DSTN: variants seen among roughly 807,000 people sequenced by gnomAD.
DSTN encodes destrin.
Under a neutral mutation model 16.8 loss-of-function variants are expected in DSTN, and 10 were observed. The ratio of observed to expected loss-of-function variants is 0.60; its 90% confidence interval spans 0.37 to 1.01. The LOEUF (loss-of-function observed/expected upper bound fraction) is 1.01. Ranked by LOEUF, DSTN falls within the 50% of genes least tolerant of loss-of-function variation. DSTN has a pLI of 0.01. For synonymous variants in DSTN, 57 were observed against 58.9 expected, an observed-to-expected ratio of 0.97 and a Z score of 0.14; for missense variants, 141 against 196.7, an observed-to-expected ratio of 0.72 and a Z score of 1.69.
chr20:17,570,348 C>T, intron 1 of DSTN, 137 bp downstream of exon 1: 1 of 1,239,436 alleles, frequency 8.1e-7, no homozygotes, highest in Non-Finnish European at 1.0e-6. Context: ...AGTGTCCGGG[C>T]TGCGGGTGAG....
At chr20:17,583,716 G>A (rs770630806) in intron 1 of DSTN, among the ~76,000 whole-genome samples, 9 of 141,336 alleles carry the variant, frequency 6.4e-5, no homozygotes, top group Non-Finnish European at 1.4e-4. Context: ...AGGAATGACT[G>A]CTAATGGGTT....
At chr20:17,594,906 A>G (rs910182044) in intron 1 of DSTN, among the ~76,000 whole-genome samples, 2 of 152,224 alleles carry the variant, frequency 1.3e-5, no homozygotes, top group African/African-American at 2.4e-5. Flanking sequence ...CTGGTTAGAA[A>G]TGGACCAGCT....
At chr20:17,587,058 A>G (rs1462993539) in intron 1 of DSTN, among the ~76,000 whole-genome samples, 1 of 152,190 alleles carries the variant, frequency 6.6e-6, no homozygotes, top group African/African-American at 2.4e-5. Flanking sequence ...CAATTTTCCC[A>G]GTTAATTGTA....
In DSTN at chr20:17,570,151, T is replaced by A. The variant is rs1394139156; in HGVS notation, c.-58T>A. 105 of 1,516,540 alleles carry A rather than the reference T, an allele frequency of 6.9e-5. No individual in the cohort carries two copies. The Admixed American group carries it at 2.0e-3, about 29-fold the overall frequency. The allele number at this position is 1,516,540 out of a possible 1,614,324, so 93.9% of individuals were successfully genotyped here. A position where few individuals can be genotyped will look rare whatever the true frequency, so the allele number is the denominator to read the frequency against. On this transcript the variant is annotated 5_prime_UTR_variant, in exon 1 of 4. Coordinates refer to ENST00000246069, the MANE Select transcript of DSTN (RefSeq NM_006870.4). ...TCCCGCAGCCGTGAGGAGGACGGTC[T>A]GCATACTCGCTGCCCGCCGGCTCCC... is the stretch of plus-strand genomic sequence containing the variant.
At position 17,600,989 on chromosome 20, in the gene DSTN, T is replaced by C; in HGVS notation, c.255T>C (p.Tyr85=). 1.2e-6 allele frequency: 2 copies of C among 1,610,418 alleles called. No homozygotes were observed. The highest frequency in any genetic ancestry group is 1.7e-6 in the Non-Finnish European group (2 of 1,178,548). ...AAAAAGATTGTCGCTATGCTTTGTA[T>C]GATGCAAGCTTTGAAACAAAAGAAT... ...LPEKDCRYAL[Y]DASFETKESR... is the part of the protein sequence containing the mutation. The change falls in exon 2 of 4, where the codon TAT becomes TAC. Residue 85 remains tyrosine (Y), a synonymous_variant. Coordinates refer to ENST00000246069, the MANE Select transcript of DSTN (RefSeq NM_006870.4).
chr20:17,570,359 G>A (rs1204851345), intron 1 of DSTN, 148 bp downstream of exon 1: 6 of 1,175,228 alleles, frequency 5.1e-6, no homozygotes, highest in East Asian at 3.2e-5. Context: ...TGCGGGTGAG[G>A]GGGGGTCTCT....
chr20:17,606,496 T>C (rs1568742204), intron 3 of DSTN, among the ~76,000 whole-genome samples: 1 of 152,274 alleles, frequency 6.6e-6, no homozygotes. Flanking sequence ...AAATCATTTG[T>C]ATTTTTATGT....
chr20:17,582,295 G>A (rs999632386), intron 1 of DSTN, among the ~76,000 whole-genome samples: 1 of 151,914 alleles, frequency 6.6e-6, no homozygotes, highest in Non-Finnish European at 1.5e-5. Context: ...TGGCCAGGCT[G>A]GTCTCAAACT....
At chr20:17,579,587 A>C (rs539649531) in intron 1 of DSTN, among the ~76,000 whole-genome samples, 9 of 152,260 alleles carry the variant, frequency 5.9e-5, no homozygotes, top group Middle Eastern at 3.4e-3. Context: ...TGATCCCCCC[A>C]AAAAAAGCAG....
At chr20:17,573,597 A>C (rs927320540) in intron 1 of DSTN, among the ~76,000 whole-genome samples, 3 of 152,168 alleles carry the variant, frequency 2.0e-5, no homozygotes, top group African/African-American at 7.2e-5. Context: ...TGGAGCATAC[A>C]TATTTTCTAC....
chr20:17,601,258 C>CA (rs1568739981), intron 2 of DSTN, among the ~76,000 whole-genome samples: 1 of 130,626 alleles, frequency 7.7e-6, no homozygotes, highest in Admixed American at 7.6e-5. Context: ...TGTGACTCTC[C>CA]GTTTTTGTTT....
At chr20:17,576,097 A>C (rs1568729665) in intron 1 of DSTN, 1 of 152,220 alleles carries the variant, frequency 6.6e-6, no homozygotes, top group Non-Finnish European at 1.5e-5. Flanking sequence ...TATTCATCTC[A>C]GTAATACTTT....
intron 1 of DSTN, chr20:17,596,701 A>G (rs528080933): frequency 3.0e-6 from 3 of 985,436 alleles, no homozygotes; most frequent in African/African-American, 1.7e-5. Context: ...CTCAAGCACA[A>G]GTGTCTAATG....
chr20:17,572,335 CGT>C (rs143559762), intron 1 of DSTN, among the ~76,000 whole-genome samples: 3 of 151,684 alleles, frequency 2.0e-5, no homozygotes, highest in Admixed American at 6.6e-5. Flanking sequence ...CCAAACAAAA[CGT>C]GTGTGTGTGT....
intron 1 of DSTN, chr20:17,592,079 T>C: frequency 4.1e-6 from 4 of 985,402 alleles, no homozygotes; most frequent in Non-Finnish European, 4.8e-6. Flanking sequence ...TATTCCGTGC[T>C]TTCTGTCTGC....
chr20:17,605,280 T>A, intron 3 of DSTN: 1 of 414,390 alleles, frequency 2.4e-6, no homozygotes, highest in Admixed American at 2.7e-5. Flanking sequence ...GAAGCCTGTC[T>A]AACTGCTGTG....
chr20:17,593,250 A>C (rs1397230898), intron 1 of DSTN, among the ~76,000 whole-genome samples: 1 of 152,180 alleles, frequency 6.6e-6, no homozygotes, highest in East Asian at 1.9e-4. Context: ...TACTTTCTTT[A>C]AATTCCCTTC....
rs547191677 is a variant in DSTN at position 17,609,919 on chromosome 20, A to G, written c.*2773A>G. The G allele has an allele frequency of 1.3e-4, 20 of 152,378 alleles. No individual in the cohort carries two copies. Among genetic ancestry groups the G allele is most frequent in the African/African-American group, 4.1e-4 (17 of 41,594 alleles). 9.4% of individuals were successfully genotyped at this position (152,378 alleles called of 1,614,324 possible). A position where few individuals can be genotyped will look rare whatever the true frequency, so the allele number is the denominator to read the frequency against. On this transcript the variant is annotated 3_prime_UTR_variant, in exon 4 of 4. Coordinates refer to ENST00000246069, the MANE Select transcript of DSTN (RefSeq NM_006870.4). ...AAATAAAGCCATTGCTAACAATTCAATCAGAGCTTGACTGTGAAGTTATCT... is the reference window on the plus strand; with the variant it reads ...AAATAAAGCCATTGCTAACAATTCAGTCAGAGCTTGACTGTGAAGTTATCT...
At chr20:17,572,305 G>A (rs1248550947) in intron 1 of DSTN, among the ~76,000 whole-genome samples, 1 of 152,186 alleles carries the variant, frequency 6.6e-6, no homozygotes, top group African/African-American at 2.4e-5. Flanking sequence ...CTGCCTCCAC[G>A]TGAACCACAA....
Sources: allele counts gnomAD v4.1 joint callset (sites outside exome capture counted in the v4.1 genomes callset), GRCh38; gene constraint gnomAD v4.1.1; transcripts MANE v1.5; gene names NCBI Gene and HGNC (gene_info 2026-07-23, HGNC 2026-07-21).